Variants in ARHGAP15 observed in about 807,000 individuals in gnomAD.
ARHGAP15 encodes the protein Rho GTPase activating protein 15.
In ARHGAP15, 51 loss-of-function variants were observed where a neutral mutation model predicts 63.7. The ratio of observed to expected loss-of-function variants is 0.80; its 90% CI spans 0.64 to 1.01. ARHGAP15 has a LOEUF of 1.01. ARHGAP15 is among the 50% of genes least tolerant of loss of function. The pLI is 0.00. For missense variants in ARHGAP15, 560 were observed against 564.6 expected (o/e 0.99, Z 0.08); for synonymous variants, 191 against 193.8 (o/e 0.99, Z 0.12).
At chr2:143,168,693 C>T (rs958701884) in intron 2 of ARHGAP15, among the ~76,000 whole-genome samples, 17 of 151,926 alleles carry the variant, frequency 1.1e-4, no homozygotes, top group African/African-American at 3.4e-4. Context: ...TGAAGCCGTG[C>T]ACTTGTAAAT....
intron 11 of ARHGAP15, 113 bp from the exon 12 acceptor site, chr2:143,624,020 C>A: frequency 7.7e-7 from 1 of 1,304,846 alleles, no homozygotes; most frequent in Non-Finnish European, 1.1e-6. Context: ...CCTCTAGGTG[C>A]AGAAGGCTGT....
intron 6 of ARHGAP15, among the ~76,000 whole-genome samples, chr2:143,347,319 C>T (rs569847417): frequency 6.6e-6 from 1 of 152,250 alleles, no homozygotes; most frequent in South Asian, 2.1e-4. Flanking sequence ...AGGCCATCAA[C>T]GTGATTCGTC....
chr2:143,344,734 G>A (rs796143618), intron 6 of ARHGAP15, among the ~76,000 whole-genome samples: 4 of 152,088 alleles, frequency 2.6e-5, no homozygotes, highest in African/African-American at 7.2e-5. Context: ...TTTACTGGGT[G>A]TCTTATAGAT....
intron 13 of ARHGAP15, among the ~76,000 whole-genome samples, chr2:143,711,347 A>G (rs540558884): frequency 2.0e-5 from 3 of 152,358 alleles, no homozygotes; most frequent in Non-Finnish European, 4.4e-5. Context: ...TCTAGGCAGC[A>G]GCTGAAATTT....
chr2:143,634,984 TACCTTCTCTCAGTTGGG>T (rs1680231032), intron 12 of ARHGAP15, among the ~76,000 whole-genome samples: 1 of 152,102 alleles, frequency 6.6e-6, no homozygotes, highest in South Asian at 2.1e-4. Flanking sequence ...TCCAAAGTGA[TACCTTCTCTCAGTTGGG>T]AAATTTGTAA....
chr2:143,323,892 C>G, intron 6 of ARHGAP15, among the ~76,000 whole-genome samples: 1 of 32,750 alleles, frequency 3.1e-5, no homozygotes, highest in Non-Finnish European at 4.6e-5. Context: ...AAGACTCCGT[C>G]TCAAAAAAAA....
chr2:143,731,534 T>C (rs377606265), intron 13 of ARHGAP15, among the ~76,000 whole-genome samples: 2 of 152,196 alleles, frequency 1.3e-5, no homozygotes, highest in East Asian at 1.9e-4. Flanking sequence ...CTCTGTGCGC[T>C]CTCTGCCTAT....
intron 11 of ARHGAP15, among the ~76,000 whole-genome samples, chr2:143,597,088 T>C (rs959433917): frequency 6.6e-6 from 1 of 152,036 alleles, no homozygotes; most frequent in African/African-American, 2.4e-5. Flanking sequence ...CTTGTCCTCT[T>C]CCTACCCCTC....
chr2:143,750,246 C>T (rs1686320132), intron 13 of ARHGAP15, among the ~76,000 whole-genome samples: 2 of 152,180 alleles, frequency 1.3e-5, no homozygotes, highest in African/African-American at 4.8e-5. Flanking sequence ...TCGAGACCAG[C>T]CTGGCCAACA....
chr2:143,696,514 C>T (rs1683854387), intron 12 of ARHGAP15, among the ~76,000 whole-genome samples: 1 of 152,050 alleles, frequency 6.6e-6, no homozygotes, highest in Non-Finnish European at 1.5e-5. Context: ...GCATGCTGTA[C>T]ATGGTCTAAT....
intron 6 of ARHGAP15, among the ~76,000 whole-genome samples, chr2:143,286,841 T>C (rs1036690544): frequency 2.0e-5 from 3 of 152,216 alleles, no homozygotes; most frequent in African/African-American, 7.2e-5. Context: ...GATGGTATAG[T>C]CTACCACATA....
chr2:143,435,714 T>C lies in ARHGAP15; in HGVS notation c.573+15T>C. On this transcript the variant is annotated intron_variant, in intron 7 of 13. Coordinates refer to ENST00000295095, the MANE Select transcript of ARHGAP15 (RefSeq NM_018460.4). The stretch of plus-strand genomic sequence containing the variant: ...TTGACAGATTGGTATGTATTTGTTT[T>C]GGCTGTTACCTTTATTAATTAAAAT... 6.2e-7 allele frequency: 1 copy of C among 1,600,848 alleles called. No homozygotes were observed. The highest frequency in any genetic ancestry group is 1.8e-5 in the Admixed American group (1 of 57,062).
chr2:143,235,509 G>A (rs142164853), intron 5 of ARHGAP15, among the ~76,000 whole-genome samples: 257 of 152,292 alleles, frequency 1.7e-3, no homozygotes, highest in African/African-American at 6.1e-3. Flanking sequence ...GATTTGCTGA[G>A]TGACAAATTT....
chr2:143,502,998 G>T (rs929167493), intron 9 of ARHGAP15, among the ~76,000 whole-genome samples: 12 of 152,102 alleles, frequency 7.9e-5, no homozygotes, highest in Non-Finnish European at 1.3e-4. Flanking sequence ...TCAGAGATCT[G>T]CTAGAGAGAG....
chr2:143,754,199 T>A (rs768286056), intron 13 of ARHGAP15, among the ~76,000 whole-genome samples: 6 of 152,196 alleles, frequency 3.9e-5, no homozygotes, highest in Non-Finnish European at 8.8e-5. Flanking sequence ...AGGATATCCA[T>A]TAATACAGCG....
chr2:143,737,882 G>A (rs1685812310), intron 13 of ARHGAP15, among the ~76,000 whole-genome samples: 1 of 152,032 alleles, frequency 6.6e-6, no homozygotes, highest in Admixed American at 6.6e-5. Flanking sequence ...TCAGCCTTCT[G>A]AGTAGCTGGA....
chr2:143,232,639 C>T (rs1454224423), intron 5 of ARHGAP15, among the ~76,000 whole-genome samples: 2 of 152,136 alleles, frequency 1.3e-5, no homozygotes, highest in Admixed American at 1.3e-4. Flanking sequence ...CCCTGCCAGC[C>T]CTTCAGAAGC....
At chr2:143,470,923 T>TATGTGTATATATGTGTGTATATACACAC (rs911393291) in intron 8 of ARHGAP15, among the ~76,000 whole-genome samples, 2 of 147,878 alleles carry the variant, frequency 1.4e-5, no homozygotes, top group African/African-American at 4.9e-5. Context: ...CGTATGTGTA[T>TATGTGTATATATGTGTGTATATACACAC]ATGTGTATAT....
At chr2:143,604,081 G>C (rs1179603793) in intron 11 of ARHGAP15, among the ~76,000 whole-genome samples, 2 of 152,174 alleles carry the variant, frequency 1.3e-5, no homozygotes, top group Non-Finnish European at 1.5e-5. Flanking sequence ...ATCTCTCAAA[G>C]TAGTGGTTGC....
Sources: allele counts gnomAD v4.1 joint callset (sites outside exome capture counted in the v4.1 genomes callset), GRCh38; gene constraint gnomAD v4.1.1; transcripts MANE v1.5; gene names NCBI Gene and HGNC (gene_info 2026-07-23, HGNC 2026-07-21).